Variants in KREMEN1 observed in about 807,000 individuals in gnomAD.
KREMEN1 encodes kringle containing transmembrane protein 1, also known as kremen protein 1.
A neutral mutation model predicts 46.5 loss-of-function variants in KREMEN1; 30 were observed. The observed-to-expected ratio is 0.65, with a 90% CI of 0.48 to 0.88. The LOEUF is 0.88. KREMEN1 is among the 40% of genes least tolerant of loss of function. The pLI, the probability that KREMEN1 is intolerant of heterozygous loss-of-function variation, is 0.00. For missense variants in KREMEN1, 533 were observed against 596.9 expected, an observed-to-expected ratio of 0.89 and a Z score of 1.11; for synonymous variants, 214 against 230.6, an observed-to-expected ratio of 0.93 and a Z score of 0.65.
At chr22:29,078,493 A>AG (rs1364871578) in intron 1 of KREMEN1, among the ~76,000 whole-genome samples, 39 of 125,520 alleles carry the variant, frequency 3.1e-4, no homozygotes, top group South Asian at 5.6e-4. Flanking sequence ...AAAAAAAAAA[A>AG]AAAGAAGAAG....
chr22:29,085,573 T>C (rs567505196), intron 1 of KREMEN1, among the ~76,000 whole-genome samples: 1 of 152,366 alleles, frequency 6.6e-6, no homozygotes, highest in Non-Finnish European at 1.5e-5. Flanking sequence ...CTAAACAAGG[T>C]GTATTTAGGT....
At chr22:29,138,890 C>T (rs1423726486) in intron 7 of KREMEN1, 108 bp downstream of exon 7, 1 of 1,513,034 alleles carries the variant, frequency 6.6e-7, no homozygotes. Context: ...TATTCAGAGG[C>T]AGGTTGGGAT....
chr22:29,081,313 T>A (rs181705148), intron 1 of KREMEN1, among the ~76,000 whole-genome samples: 1 of 152,306 alleles, frequency 6.6e-6, no homozygotes, highest in Non-Finnish European at 1.5e-5. Flanking sequence ...TGATTCACTG[T>A]GTCTTTTTAT....
At chr22:29,140,195 G>A (rs974866972) in intron 7 of KREMEN1, 87 bp from the exon 8 acceptor site, 7 of 997,970 alleles carry the variant, frequency 7.0e-6, no homozygotes, top group Admixed American at 7.0e-5. Flanking sequence ...CCCTCAGCCA[G>A]ACTTACTCAC....
At chr22:29,133,215 TC>T (rs1245493226) in intron 5 of KREMEN1, among the ~76,000 whole-genome samples, 3 of 136,230 alleles carry the variant, frequency 2.2e-5, no homozygotes, top group Non-Finnish European at 4.6e-5. Flanking sequence ...GTCATTGCAC[TC>T]CAGCCTGGGC....
chr22:29,135,759 G>A (rs932002985), intron 5 of KREMEN1, among the ~76,000 whole-genome samples: 1 of 152,136 alleles, frequency 6.6e-6, no homozygotes, highest in African/African-American at 2.4e-5. Context: ...TACTTCTCTG[G>A]CGGTCACCTC....
intron 7 of KREMEN1, among the ~76,000 whole-genome samples, chr22:29,139,469 G>A (rs1296356159): frequency 2.0e-5 from 3 of 152,158 alleles, no homozygotes; most frequent in Non-Finnish European, 2.9e-5. Context: ...TGGGTGTGGT[G>A]GTGCACGCTT....
At chr22:29,083,519 TTCTTGGA>T (rs2037687608) in intron 1 of KREMEN1, among the ~76,000 whole-genome samples, 2 of 151,794 alleles carry the variant, frequency 1.3e-5, no homozygotes, top group South Asian at 4.2e-4. Context: ...CAAAAGGGGG[TTCTTGGA>T]TCTTGCATAA....
At position 29,141,969 on chromosome 22, in the gene KREMEN1, G is replaced by C; in HGVS notation, c.1234G>C (p.Asp412His). ...ATCCCATCGTGTTCCTGCTTCAGGG[G>C]ACCTTAGGGATTGTCATCAACCAGG... is the stretch of plus-strand genomic sequence containing the variant. ...FKSHRVPASG[D>H]LRDCHQPGTS... The change falls in exon 9 of 9, where the codon GAC (aspartate) becomes CAC (histidine). Residue 412 changes from aspartate (D) to histidine (H), a missense_variant. Asp to His is a moderately conservative substitution (Grantham distance 81). Coordinates refer to ENST00000400335, the MANE Select transcript of KREMEN1 (RefSeq NM_001039570.3). 6.2e-7 allele frequency: 1 copy of C among 1,607,388 alleles called. No individual in the cohort carries two copies. The highest frequency in any genetic ancestry group is 1.1e-5 in the South Asian group (1 of 89,908).
At chr22:29,121,243 C>G (rs1412138446) in intron 3 of KREMEN1, 114 bp from the exon 4 acceptor site, 1 of 1,210,812 alleles carries the variant, frequency 8.3e-7, no homozygotes, top group Non-Finnish European at 1.2e-6. Context: ...TTTATTTGTA[C>G]CTCAGGAGTG....
At chr22:29,127,540 G>A (rs940923604) in intron 5 of KREMEN1, among the ~76,000 whole-genome samples, 2 of 152,170 alleles carry the variant, frequency 1.3e-5, no homozygotes, top group African/African-American at 4.8e-5. Context: ...ACACGTGCCT[G>A]TAATCCCAGC....
At chr22:29,078,729 G>C (rs1206401085) in intron 1 of KREMEN1, among the ~76,000 whole-genome samples, 4 of 152,186 alleles carry the variant, frequency 2.6e-5, no homozygotes, top group Non-Finnish European at 5.9e-5. Context: ...GAGAGAGGCC[G>C]GAAGTTTGGA....
At chr22:29,075,635 TG>T (rs1220851476) in intron 1 of KREMEN1, among the ~76,000 whole-genome samples, 1 of 152,150 alleles carries the variant, frequency 6.6e-6, no homozygotes, top group Non-Finnish European at 1.5e-5. Flanking sequence ...AGATACCCCA[TG>T]GTCTTCACCA....
chr22:29,163,503 G>A (rs1430672022), intron 9 of KREMEN1, among the ~76,000 whole-genome samples: 1 of 151,960 alleles, frequency 6.6e-6, no homozygotes, highest in Non-Finnish European at 1.5e-5. Flanking sequence ...TCAGTCTCCC[G>A]AATAGCTGGG....
chr22:29,117,381 C>G (rs1370839022), intron 3 of KREMEN1, among the ~76,000 whole-genome samples: 3 of 152,148 alleles, frequency 2.0e-5, no homozygotes, highest in African/African-American at 7.2e-5. Context: ...TCCTGGCTAA[C>G]ATGGTGAAAC....
chr22:29,138,357 C>T, intron 6 of KREMEN1, among the ~76,000 whole-genome samples: 1 of 152,212 alleles, frequency 6.6e-6, no homozygotes, highest in East Asian at 1.9e-4. Context: ...CTGCCAAGTA[C>T]AGGGGCAGAG....
intron 2 of KREMEN1, among the ~76,000 whole-genome samples, chr22:29,094,744 C>T (rs900424868): frequency 1.3e-4 from 19 of 151,948 alleles, no homozygotes; most frequent in Admixed American, 9.2e-4. Context: ...CTGCCTCAGC[C>T]TCCCGAGTAG....
Position 29,137,942 on chromosome 22 carries a change from G to T in KREMEN1, c.964+268G>T, listed in dbSNP as rs555033265. Among the ~76,000 whole-genome samples, 3 of 152,282 alleles carry T rather than the reference G, an allele frequency of 2.0e-5. No individual in the cohort carries two copies. The East Asian group carries it at 5.8e-4, about 29-fold the overall frequency. ...GACAGTTTTCATGGGAGGGTTAAAA[G>T]AATTTAAAAAAACAGAATAACTAAA... is the stretch of plus-strand genomic sequence containing the variant. On this transcript the variant is annotated intron_variant, in intron 6 of 8. Transcript: ENST00000400335.
downstream of KREMEN1, among the ~76,000 whole-genome samples, chr22:29,150,070 C>T (rs192168767): frequency 1.7e-3 from 265 of 152,338 alleles, no homozygotes; most frequent in African/African-American, 5.9e-3. Context: ...GGATTGTTTT[C>T]GCTCAGCTCA....
Sources: gnomAD v4.1 joint callset for allele counts (sites outside exome capture counted in the v4.1 genomes callset) on GRCh38, gnomAD v4.1.1 for gene constraint, MANE v1.5 for transcripts, NCBI Gene and HGNC (gene_info 2026-07-23, HGNC 2026-07-21) for gene names.